The following TSHZ3 variants were observed in gnomAD, a reference collection of about 807,000 sequenced individuals.
TSHZ3 encodes the protein teashirt zinc finger homeobox 3.
TSHZ3 carries 10 observed loss-of-function variants against 64.5 expected under a neutral mutation model. The ratio of observed to expected loss-of-function variants is 0.16; its 90% CI spans 0.10 to 0.26. The LOEUF is 0.26. Among genes scored for constraint, TSHZ3 ranks in the 10% least tolerant of loss-of-function variants. TSHZ3 has a pLI of 1.00. For synonymous variants in TSHZ3, 608 were observed against 593.1 expected, an observed-to-expected ratio of 1.03 and a Z score of -0.36; for missense variants, 1,242 against 1,421.7, an observed-to-expected ratio of 0.87 and a Z score of 2.03.
intron 1 of TSHZ3, among the ~76,000 whole-genome samples, chr19:31,323,326 T>C (rs1916830839): frequency 6.6e-6 from 1 of 152,212 alleles, no homozygotes; most frequent in South Asian, 2.1e-4. Context: ...CAGCACTCTT[T>C]ACTATTCAAT....
intron 1 of TSHZ3, among the ~76,000 whole-genome samples, chr19:31,301,152 G>A (rs948619813): frequency 6.6e-6 from 1 of 151,942 alleles, no homozygotes; most frequent in Admixed American, 6.6e-5. Context: ...AGGCTGGGTG[G>A]GGGCCTATGT....
intron 1 of TSHZ3, among the ~76,000 whole-genome samples, chr19:31,256,706 G>A (rs1014622660): frequency 6.6e-6 from 1 of 152,206 alleles, no homozygotes; most frequent in African/African-American, 2.4e-5. Context: ...AGGAAGTGAC[G>A]GCTCCTGACG....
intron 1 of TSHZ3, among the ~76,000 whole-genome samples, chr19:31,268,844 C>T (rs1335938160): frequency 6.6e-6 from 1 of 152,138 alleles, no homozygotes; most frequent in Non-Finnish European, 1.5e-5. Context: ...CGGCTGCCTC[C>T]CCGGGCAAAT....
intron 1 of TSHZ3, among the ~76,000 whole-genome samples, chr19:31,260,064 G>A (rs1042412064): frequency 6.6e-6 from 1 of 152,162 alleles, no homozygotes; most frequent in African/African-American, 2.4e-5. Flanking sequence ...GATTGTCCAG[G>A]TTAATTGTTC....
chr19:31,298,471 G>A (rs1276604971), intron 1 of TSHZ3, among the ~76,000 whole-genome samples: 3 of 151,422 alleles, frequency 2.0e-5, no homozygotes, highest in African/African-American at 7.3e-5. Flanking sequence ...TTGTTTGTTT[G>A]TTTTGTTCCA....
rs560793523 is a variant in TSHZ3 at position 31,210,791 on chromosome 19, G to A, written n.687-5713C>T. On this transcript the variant is annotated intron_variant and non_coding_transcript_variant, in intron 4 of 6. Coordinates refer to the TSHZ3 transcript ENST00000651361. The stretch of plus-strand genomic sequence containing the variant: ...TTAAGTAATGTGCCATTCTAGTTAG[G>A]TCTAAATTCACATTTGAAAATATTA... Among the ~76,000 whole-genome samples, 4 of 152,248 alleles carry A rather than the reference G, an allele frequency of 2.6e-5. No homozygotes were observed. In the South Asian group the frequency reaches 8.3e-4, roughly 32 times the overall value.
At chr19:31,335,115 C>G (rs181552496) in intron 1 of TSHZ3, among the ~76,000 whole-genome samples, 35 of 152,272 alleles carry the variant, frequency 2.3e-4, no homozygotes, top group Admixed American at 1.3e-3. Flanking sequence ...TAAGAGGGAG[C>G]AAATCTCACT....
At chr19:31,269,659 C>T (rs568132049) in intron 1 of TSHZ3, among the ~76,000 whole-genome samples, 38 of 152,200 alleles carry the variant, frequency 2.5e-4, no homozygotes, top group South Asian at 4.2e-4. Flanking sequence ...ACAATTATGA[C>T]GGTCATAAAT....
Position 31,276,545 on chromosome 19 carries a change from T to C in TSHZ3, c.*2A>G, listed in dbSNP as rs368635218. On this transcript the variant is annotated 3_prime_UTR_variant, in exon 2 of 2. Transcript: ENST00000240587. ...TGCAGTCCTTTCTATCAAAAGCAAATGCTACTGCTTCTCTAACTCAGAGAC... is the reference window on the plus strand; with the variant it reads ...TGCAGTCCTTTCTATCAAAAGCAAACGCTACTGCTTCTCTAACTCAGAGAC... The C allele has an allele frequency of 7.8e-6, 12 of 1,537,316 alleles. No individual in the cohort carries two copies. The highest frequency in any genetic ancestry group is 1.4e-5 in the African/African-American group (1 of 72,582).
At chr19:31,255,355 T>A (rs1975896043) in intron 1 of TSHZ3, among the ~76,000 whole-genome samples, 1 of 152,128 alleles carries the variant, frequency 6.6e-6, no homozygotes. Context: ...GCAGCCTGGA[T>A]GCTCCAGAAA....
At position 31,279,694 on chromosome 19, in the gene TSHZ3, C is replaced by T. The variant is rs2145216156; in HGVS notation, c.99G>A (p.Glu33=). The change falls in exon 2 of 2, where the codon GAG becomes GAA. Residue 33 remains glutamate (E), a synonymous_variant. Coordinates refer to ENST00000240587, the MANE Select transcript of TSHZ3 (RefSeq NM_020856.4). The surrounding 1 kb of genome is among the most constrained non-coding windows in gnomAD (Gnocchi z 6.4). Reference sequence around the variant, plus strand: ...AGGGCTCTCCATCTGCCGTATGCTCCTCTGGGTCTAAACCTTCGTCCACCA... The same window carrying T: ...AGGGCTCTCCATCTGCCGTATGCTCTTCTGGGTCTAAACCTTCGTCCACCA... ...AALVDEGLDP[E]EHTADGEPSA... The T allele has an allele frequency of 1.3e-6, 2 of 1,557,426 alleles. 1 individual carries two copies. The highest frequency in any genetic ancestry group is 2.4e-5 in the South Asian group (2 of 82,114).
At chr19:31,151,929 A>G (rs1974244874) in intron 6 of TSHZ3, among the ~76,000 whole-genome samples, 1 of 152,226 alleles carries the variant, frequency 6.6e-6, no homozygotes, top group Admixed American at 6.5e-5. Context: ...AGTGGTGACA[A>G]TAGTTTAATT....
At chr19:31,315,208 C>T (rs1369936599) in intron 1 of TSHZ3, among the ~76,000 whole-genome samples, 1 of 152,250 alleles carries the variant, frequency 6.6e-6, no homozygotes, top group East Asian at 1.9e-4. Flanking sequence ...ACTTTCCTTT[C>T]ATGATATTTA....
At chr19:31,338,587 T>C (rs948112409) in intron 1 of TSHZ3, among the ~76,000 whole-genome samples, 7 of 150,204 alleles carry the variant, frequency 4.7e-5, no homozygotes, top group South Asian at 2.1e-4. Context: ...TTTTCTTTTT[T>C]TTTTTTTTTT....
chr19:31,319,508 A>G (rs1916704053), intron 1 of TSHZ3, among the ~76,000 whole-genome samples: 1 of 152,226 alleles, frequency 6.6e-6, no homozygotes, highest in Admixed American at 6.5e-5. Context: ...AGGTCTGCAC[A>G]GCAAAACCCA....
chr19:31,209,199 G>GA (rs1386289359), intron 4 of TSHZ3, among the ~76,000 whole-genome samples: 1 of 151,752 alleles, frequency 6.6e-6, no homozygotes, highest in African/African-American at 2.4e-5. Flanking sequence ...AGGTGCAGGG[G>GA]AAAAAAAAGA....
chr19:31,312,324 T>C (rs1318457117), intron 1 of TSHZ3, among the ~76,000 whole-genome samples: 2 of 152,180 alleles, frequency 1.3e-5, no homozygotes, highest in Non-Finnish European at 2.9e-5. Flanking sequence ...CTAATGACTG[T>C]GTTGTCCATG....
chr19:31,235,330 G>C (rs1975591804), intron 3 of TSHZ3, among the ~76,000 whole-genome samples: 2 of 152,090 alleles, frequency 1.3e-5, no homozygotes, highest in Non-Finnish European at 2.9e-5. Context: ...TGTGGGCTGT[G>C]ACCAACATTT....
At chr19:31,162,292 T>A (rs1246586505) in intron 5 of TSHZ3, among the ~76,000 whole-genome samples, 1 of 152,220 alleles carries the variant, frequency 6.6e-6, no homozygotes, top group Non-Finnish European at 1.5e-5. Context: ...AGGTAGAATT[T>A]AAAGTATAAT....
Sources: allele counts gnomAD v4.1 joint callset (sites outside exome capture counted in the v4.1 genomes callset), GRCh38; gene constraint gnomAD v4.1.1; non-coding constraint Gnocchi (gnomAD v3.1); transcripts MANE v1.5; gene names NCBI Gene and HGNC (gene_info 2026-07-23, HGNC 2026-07-21).